Variants in COL5A1 observed in about 807,000 individuals in gnomAD.
The protein encoded by COL5A1 is collagen alpha-1(V) chain.
COL5A1 carries 16 observed loss-of-function variants against 263.7 expected under a neutral mutation model. The ratio of observed to expected loss-of-function variants is 0.06; its 90% CI spans 0.04 to 0.09. COL5A1 has a LOEUF of 0.09. COL5A1 is among the 10% of genes least tolerant of loss of function. The pLI is 1.00. For missense variants in COL5A1, 2,036 were observed against 2,540.5 expected, an observed-to-expected ratio of 0.80 and a Z score of 4.27; for synonymous variants, 1,012 against 1,004.5, an observed-to-expected ratio of 1.01 and a Z score of -0.14.
chr9:134,711,508 G>A (rs1834041956), intron 4 of COL5A1, among the ~76,000 whole-genome samples: 1 of 152,108 alleles, frequency 6.6e-6, no homozygotes, highest in Non-Finnish European at 1.5e-5. Flanking sequence ...ACCCCATGGT[G>A]CCCAAGCACT....
chr9:134,789,077 G>T lies in COL5A1; in HGVS notation c.2647-78G>T. On this transcript the variant is annotated intron_variant, in intron 31 of 65. Transcript: ENST00000371817. The surrounding 1 kb of genome is among the most constrained non-coding windows in gnomAD (Gnocchi z 4.8). ...GCAGAGGCTGTGCACTGGCATGCAG[G>T]TGGTCCCCCAGGCGGCCCATGCAGC... The T allele has an allele frequency of 1.6e-6, 2 of 1,285,270 alleles. No homozygotes were observed. Among genetic ancestry groups the T allele is most frequent in the Non-Finnish European group, 2.2e-6 (2 of 889,134 alleles). 79.6% of individuals were successfully genotyped at this position (1,285,270 alleles called of 1,614,324 possible).
chr9:134,688,194 A>G (rs1425274072), intron 1 of COL5A1, among the ~76,000 whole-genome samples: 1 of 152,198 alleles, frequency 6.6e-6, no homozygotes, highest in Non-Finnish European at 1.5e-5. Context: ...GAACATGTCC[A>G]CCAAGCCTGC....
intron 18 of COL5A1, among the ~76,000 whole-genome samples, chr9:134,760,764 C>T (rs1201247076): frequency 6.9e-6 from 1 of 144,966 alleles, no homozygotes; most frequent in East Asian, 2.3e-4. Context: ...CCCACACATA[C>T]ACGAACACCA....
In COL5A1 at chr9:134,738,695, T is replaced by C. The variant is rs201917120; in HGVS notation, c.1432-51T>C. The C allele has an allele frequency of 2.1e-4, 287 of 1,355,614 alleles. 1 individual carries two copies. The Middle Eastern group carries it at 4.2e-3, about 20-fold the overall frequency. The allele number at this position is 1,355,614 out of a possible 1,614,324, so 84.0% of individuals were successfully genotyped here. On this transcript the variant is annotated intron_variant, in intron 10 of 65. Transcript: ENST00000371817. ...TGGTTGGCCAGTTGGAACTTGGACC[T>C]TGCCCTGCGGCCCCATCTTCTAACT...
intron 34 of COL5A1, 83 bp downstream of exon 34, chr9:134,795,398 G>T: frequency 6.9e-6 from 8 of 1,155,450 alleles, no homozygotes; most frequent in African/African-American, 1.6e-5. Context: ...GAGGGTGTCT[G>T]TGACCTTTTT....
At chr9:134,710,257 C>T (rs1833976654) in intron 4 of COL5A1, among the ~76,000 whole-genome samples, 1 of 152,234 alleles carries the variant, frequency 6.6e-6, no homozygotes, top group Non-Finnish European at 1.5e-5. Context: ...GGCAGGCTCT[C>T]CTGCCCGCGC....
At chr9:134,778,502 A>G (rs1837131672) in intron 27 of COL5A1, among the ~76,000 whole-genome samples, 1 of 152,200 alleles carries the variant, frequency 6.6e-6, no homozygotes. Flanking sequence ...TGGGGTAGAG[A>G]CTAGCGTAGG....
intron 18 of COL5A1, among the ~76,000 whole-genome samples, chr9:134,760,922 TACACACATGC>T (rs964885178): frequency 2.7e-5 from 3 of 112,326 alleles, no homozygotes; most frequent in Non-Finnish European, 3.7e-5. Flanking sequence ...CACACACACG[TACACACATGC>T]ACACACATGC....
intron 41 of COL5A1, among the ~76,000 whole-genome samples, chr9:134,805,916 C>T (rs866065695): frequency 9.9e-5 from 15 of 152,080 alleles, no homozygotes; most frequent in African/African-American, 3.4e-4. Flanking sequence ...GAGGGGGTGC[C>T]AGGCTTCTAG....
chr9:134,748,572 C>T (rs868718623), intron 11 of COL5A1, among the ~76,000 whole-genome samples: 5 of 152,224 alleles, frequency 3.3e-5, no homozygotes, highest in Non-Finnish European at 7.3e-5. Flanking sequence ...ATGACAAAAC[C>T]TGGGCGGCAA....
chr9:134,773,051 C>T (rs1369181857), intron 26 of COL5A1, among the ~76,000 whole-genome samples: 5 of 121,182 alleles, frequency 4.1e-5, no homozygotes, highest in Admixed American at 1.7e-4. Context: ...CAGTGCCCCT[C>T]ACCCCACCCT....
intron 1 of COL5A1, among the ~76,000 whole-genome samples, chr9:134,672,834 G>T (rs1275035600): frequency 6.6e-6 from 1 of 152,080 alleles, no homozygotes; most frequent in African/African-American, 2.4e-5. Context: ...AGAATACAAA[G>T]TCAATTTACA....
intron 2 of COL5A1, among the ~76,000 whole-genome samples, chr9:134,695,367 G>A (rs893822207): frequency 2.6e-5 from 4 of 152,136 alleles, no homozygotes; most frequent in Admixed American, 6.5e-5. Flanking sequence ...CGCTGCCCCC[G>A]CCAGTACCTT....
chr9:134,688,556 G>A (rs1833159405), intron 1 of COL5A1, among the ~76,000 whole-genome samples: 1 of 152,198 alleles, frequency 6.6e-6, no homozygotes, highest in South Asian at 2.1e-4. Flanking sequence ...CAGGTGGGAG[G>A]TGCCATACAT....
At chr9:134,643,470 G>A (rs1388637395) in intron 1 of COL5A1, among the ~76,000 whole-genome samples, 7 of 152,128 alleles carry the variant, frequency 4.6e-5, no homozygotes, top group East Asian at 1.9e-4. Context: ...TCCGTGTTCC[G>A]CTTGTCAATT....
chr9:134,797,728 C>A (rs1280282383), intron 36 of COL5A1, among the ~76,000 whole-genome samples: 1 of 152,190 alleles, frequency 6.6e-6, no homozygotes, highest in Non-Finnish European at 1.5e-5. Context: ...GGTGATCCAC[C>A]TGCCTCGGCC....
intron 4 of COL5A1, among the ~76,000 whole-genome samples, chr9:134,721,930 C>T (rs1354897103): frequency 6.6e-6 from 1 of 152,166 alleles, no homozygotes; most frequent in Non-Finnish European, 1.5e-5. Flanking sequence ...AGTGGGTGGG[C>T]TGGAAAGAGC....
At chr9:134,685,237 AT>A (rs1448922508) in intron 1 of COL5A1, among the ~76,000 whole-genome samples, 2 of 70,082 alleles carry the variant, frequency 2.9e-5, no homozygotes, top group African/African-American at 1.4e-4. Flanking sequence ...CCATCCATCC[AT>A]TCATCCATCC....
chr9:134,798,544 C>T (rs1331229951), intron 37 of COL5A1, 83 bp downstream of exon 37: 2 of 1,341,562 alleles, frequency 1.5e-6, no homozygotes, highest in African/African-American at 2.9e-5. Flanking sequence ...CTGCCCAGCG[C>T]CATCTAGGAC....
Sources: allele counts gnomAD v4.1 joint callset (sites outside exome capture counted in the v4.1 genomes callset), GRCh38; gene constraint gnomAD v4.1.1; non-coding constraint Gnocchi (gnomAD v3.1); transcripts MANE v1.5; gene names NCBI Gene and HGNC (gene_info 2026-07-23, HGNC 2026-07-21).